The following MKLN1 variants were observed in gnomAD, a reference collection of about 807,000 sequenced individuals.
MKLN1 encodes muskelin 1.
MKLN1 carries 18 observed loss-of-function variants against 99.0 expected under a neutral mutation model. That is an observed-to-expected ratio of 0.18 (90% CI 0.13 to 0.27). MKLN1 has a LOEUF of 0.27. Ranked by LOEUF, MKLN1 falls within the 10% of genes least tolerant of loss-of-function variation. The probability of loss-of-function intolerance (pLI) is 1.00; values close to 1 mark genes in which losing one functional copy is unlikely to be tolerated. For synonymous variants in MKLN1, 288 were observed against 293.2 expected (o/e 0.98, Z 0.18); for missense variants, 621 against 875.9 (o/e 0.71, Z 3.67).
chr7:131,374,541 A>T (rs953949356), intron 1 of MKLN1, among the ~76,000 whole-genome samples: 1 of 152,136 alleles, frequency 6.6e-6, no homozygotes, highest in Non-Finnish European at 1.5e-5. Flanking sequence ...CCAGCCATTT[A>T]CTTATTTGTT....
intron 1 of MKLN1, among the ~76,000 whole-genome samples, chr7:131,121,321 G>C (rs1795365287): frequency 6.6e-6 from 1 of 152,140 alleles, no homozygotes; most frequent in Non-Finnish European, 1.5e-5. Context: ...TGGGGATACA[G>C]AGCCAAACCA....
intron 4 of MKLN1, among the ~76,000 whole-genome samples, chr7:131,396,098 A>C (rs1388177317): frequency 6.6e-6 from 1 of 152,062 alleles, no homozygotes; most frequent in Non-Finnish European, 1.5e-5. Context: ...ACTGAGACAC[A>C]GTCTTATTCT....
chr7:131,330,188 A>G (rs1326748834), intron 1 of MKLN1, among the ~76,000 whole-genome samples: 2 of 152,172 alleles, frequency 1.3e-5, no homozygotes, highest in Non-Finnish European at 2.9e-5. Context: ...GACTTTACTT[A>G]CCTTTGCCCT....
At chr7:131,227,535 TTCTC>T (rs1418496725) in intron 3 of MKLN1, among the ~76,000 whole-genome samples, 4 of 145,770 alleles carry the variant, frequency 2.7e-5, no homozygotes, top group African/African-American at 2.5e-5. Flanking sequence ...CTTTCTTTCT[TTCTC>T]TCTTTCTTTT....
At chr7:131,230,007 G>T (rs1447274122) in intron 3 of MKLN1, among the ~76,000 whole-genome samples, 3 of 152,162 alleles carry the variant, frequency 2.0e-5, no homozygotes, top group Non-Finnish European at 4.4e-5. Flanking sequence ...TTCCTTCAGG[G>T]TCTGCTGTCC....
chr7:131,159,794 G>A (rs1257470315), intron 2 of MKLN1, among the ~76,000 whole-genome samples: 1 of 151,592 alleles, frequency 6.6e-6, no homozygotes, highest in Admixed American at 6.6e-5. Context: ...ATTATAATGG[G>A]AAAAAAAATA....
intron 3 of MKLN1, among the ~76,000 whole-genome samples, chr7:131,249,809 G>A (rs1797549331): frequency 6.6e-6 from 1 of 152,194 alleles, no homozygotes; most frequent in African/African-American, 2.4e-5. Context: ...AGAATATGCA[G>A]GGGAAGGGGC....
At chr7:131,155,689 A>T (rs1461651668) in intron 2 of MKLN1, among the ~76,000 whole-genome samples, 1 of 152,234 alleles carries the variant, frequency 6.6e-6, no homozygotes, top group African/African-American at 2.4e-5. Context: ...TTACAGCTAG[A>T]GCGATCTTAA....
At chr7:131,416,939 A>G (rs427514) in intron 8 of MKLN1, among the ~76,000 whole-genome samples, 7 of 144,468 alleles carry the variant, frequency 4.8e-5, no homozygotes, top group African/African-American at 1.8e-4. Context: ...CCATCATCAC[A>G]CCACTGCACA....
rs149567429 is a variant in MKLN1, at chr7:131,491,221, TAAAAAA to T, written c.*3498_*3503del. On this transcript the variant is annotated 3_prime_UTR_variant, in exon 18 of 18. Coordinates refer to ENST00000352689, the MANE Select transcript of MKLN1 (RefSeq NM_013255.5). ...ATTCTAAATAAAGTCATCTAACTAT[TAAAAAA>T]AAAACACCCTTCCTAACCCTTCTTT... 1 of 148,028 alleles carries T rather than the reference TAAAAAA, an allele frequency of 6.8e-6. No individual in the cohort carries two copies. The highest frequency in any genetic ancestry group is 2.1e-4 in the South Asian group (1 of 4,686). The allele number at this position is 148,028 out of a possible 1,614,324, so 9.2% of individuals were successfully genotyped here.
At chr7:131,439,428 T>C (rs1198683829) in intron 10 of MKLN1, among the ~76,000 whole-genome samples, 1 of 152,178 alleles carries the variant, frequency 6.6e-6, no homozygotes, top group Non-Finnish European at 1.5e-5. Flanking sequence ...TGCATGGTTT[T>C]CAACTGGTTA....
chr7:131,124,382 A>T (rs1291803400), intron 1 of MKLN1, among the ~76,000 whole-genome samples: 1 of 152,162 alleles, frequency 6.6e-6, no homozygotes, highest in Non-Finnish European at 1.5e-5. Context: ...AGCAGAAGTG[A>T]CATTGTCACA....
chr7:131,131,354 C>T (rs572129865), intron 1 of MKLN1, among the ~76,000 whole-genome samples: 15 of 152,106 alleles, frequency 9.9e-5, no homozygotes, highest in African/African-American at 3.4e-4. Context: ...CCAGCCTGGG[C>T]GATAAAGCAA....
At chr7:131,150,804 A>G (rs1795878254) in intron 2 of MKLN1, among the ~76,000 whole-genome samples, 1 of 151,944 alleles carries the variant, frequency 6.6e-6, no homozygotes, top group South Asian at 2.1e-4. Context: ...CTGTTCATAG[A>G]TTTCATAACA....
chr7:131,248,568 T>C (rs1342651604), intron 3 of MKLN1, among the ~76,000 whole-genome samples: 2 of 152,350 alleles, frequency 1.3e-5, no homozygotes, highest in East Asian at 3.9e-4. Context: ...GAAGTGAGAT[T>C]GTGCCTTTGT....
intron 12 of MKLN1, among the ~76,000 whole-genome samples, chr7:131,450,077 C>G (rs1043652409): frequency 6.6e-6 from 1 of 152,120 alleles, no homozygotes; most frequent in African/African-American, 2.4e-5. Context: ...CTCATCTTCT[C>G]TCTATTCCCA....
chr7:131,353,034 A>G (rs777987346), intron 1 of MKLN1, among the ~76,000 whole-genome samples: 17 of 152,130 alleles, frequency 1.1e-4, no homozygotes, highest in Admixed American at 9.2e-4. Context: ...GAACATCTAG[A>G]TTGTTTCCAT....
chr7:131,470,812 C>T (rs1178395562), intron 15 of MKLN1, 30 bp from the exon 16 acceptor site: 1 of 1,365,884 alleles, frequency 7.3e-7, no homozygotes, highest in East Asian at 2.3e-5. Flanking sequence ...CTCATAACTC[C>T]AGATAATTAT....
chr7:131,176,455 CT>C (rs1428125156), intron 2 of MKLN1, among the ~76,000 whole-genome samples: 1 of 152,074 alleles, frequency 6.6e-6, no homozygotes, highest in African/African-American at 2.4e-5. Flanking sequence ...AAAAGTGTAT[CT>C]TTTGGGGAGC....
Sources: gnomAD v4.1 joint callset for allele counts (sites outside exome capture counted in the v4.1 genomes callset) on GRCh38, gnomAD v4.1.1 for gene constraint, MANE v1.5 for transcripts, NCBI Gene and HGNC (gene_info 2026-07-23, HGNC 2026-07-21) for gene names.